The following NUDT3 variants were observed in gnomAD, a reference collection of about 807,000 sequenced individuals.
NUDT3 encodes the protein nudix hydrolase 3.
In NUDT3, 9 loss-of-function variants were observed where a neutral mutation model predicts 23.6. That is an observed-to-expected ratio of 0.38 (90% CI 0.23 to 0.66). NUDT3 has a LOEUF of 0.66. Among genes scored for constraint, NUDT3 ranks in the 30% least tolerant of loss-of-function variants. NUDT3 has a pLI of 0.52. For synonymous variants in NUDT3, 86 were observed against 82.6 expected (o/e 1.04, Z -0.22); for missense variants, 172 against 218.5 (o/e 0.79, Z 1.34).
At chr6:34,300,637 G>T (rs1763584811) in intron 2 of NUDT3, among the ~76,000 whole-genome samples, 1 of 152,184 alleles carries the variant, frequency 6.6e-6, no homozygotes, top group Non-Finnish European at 1.5e-5. Flanking sequence ...GATCATAAGG[G>T]GAAGGCCAAA....
chr6:34,347,254 T>C (rs1397078616), intron 1 of NUDT3, among the ~76,000 whole-genome samples: 2 of 152,244 alleles, frequency 1.3e-5, no homozygotes, highest in Non-Finnish European at 2.9e-5. Flanking sequence ...AAAAATTACC[T>C]ACTCAACAAA....
At chr6:34,317,768 A>C (rs1461206605) in intron 2 of NUDT3, among the ~76,000 whole-genome samples, 1 of 152,236 alleles carries the variant, frequency 6.6e-6, no homozygotes, top group Non-Finnish European at 1.5e-5. Context: ...CATAAGTCAC[A>C]TAAATATATA....
intron 2 of NUDT3, among the ~76,000 whole-genome samples, chr6:34,314,751 A>G (rs1425269460): frequency 6.6e-6 from 1 of 152,160 alleles, no homozygotes; most frequent in Non-Finnish European, 1.5e-5. Flanking sequence ...GGTTCAGGTC[A>G]TAAGTCACTG....
intron 1 of NUDT3, among the ~76,000 whole-genome samples, chr6:34,371,247 G>A (rs1764822939): frequency 6.6e-6 from 1 of 152,144 alleles, no homozygotes; most frequent in South Asian, 2.1e-4. Context: ...GAGGCAGGCA[G>A]ATCAAGAGGT....
chr6:34,293,355 C>G (rs763411810), intron 4 of NUDT3, 96 bp downstream of exon 4: 320 of 1,440,780 alleles, frequency 2.2e-4, no homozygotes, highest in Non-Finnish European at 3.0e-4. Context: ...AGCCACTGAG[C>G]CTGGTACGCT....
chr6:34,297,753 ATATATAATT>A (rs1447634345), intron 2 of NUDT3, among the ~76,000 whole-genome samples: 5 of 98,210 alleles, frequency 5.1e-5, no homozygotes, highest in African/African-American at 9.7e-5. Context: ...ATATATATAT[ATATATAATT>A]TTTTTTTTTT....
rs1216667047 is a variant in NUDT3, at chr6:34,288,722, A to C, written c.*31T>G. Reference sequence around the variant, plus strand: ...AGATTTGCACTTCAGTCTAGTTTCCAATTTCCATTTCTCTTACAGGAAGTC... The same window carrying C: ...AGATTTGCACTTCAGTCTAGTTTCCCATTTCCATTTCTCTTACAGGAAGTC... On this transcript the variant is annotated 3_prime_UTR_variant, in exon 5 of 5. Transcript: ENST00000607016. 4 of 1,593,006 alleles carry C rather than the reference A, an allele frequency of 2.5e-6. No homozygotes were observed. In the Admixed American group the frequency reaches 5.4e-5, roughly 22 times the overall value.
chr6:34,345,740 C>T (rs928651068), intron 1 of NUDT3, among the ~76,000 whole-genome samples: 2 of 150,848 alleles, frequency 1.3e-5, no homozygotes, highest in African/African-American at 2.4e-5. Context: ...AATGGAGTAA[C>T]CTTCCAGAAG....
intron 1 of NUDT3, among the ~76,000 whole-genome samples, chr6:34,353,273 T>C (rs56330729): frequency 0.095 from 14,477 of 152,194 alleles, 796 homozygotes; most frequent in Non-Finnish European, 0.12. Flanking sequence ...TTTTTTTAAA[T>C]AACCACAGGG....
In NUDT3 at chr6:34,282,714, A is replaced by C. The variant is rs1763292330; in HGVS notation, c.*6039T>G. 6.6e-6 allele frequency: 1 copy of C among 152,174 alleles called. No individual in the cohort carries two copies. The highest frequency in any genetic ancestry group is 2.4e-5 in the African/African-American group (1 of 41,442). 9.4% of individuals were successfully genotyped at this position (152,174 alleles called of 1,614,324 possible). ...GGTGGAAGGATGGGTAGCACATCAA[A>C]ATGGTGATGAACCTGGCAAAACGAC... is the stretch of plus-strand genomic sequence containing the variant. On this transcript the variant is annotated 3_prime_UTR_variant, in exon 5 of 5. Transcript: ENST00000607016.
At chr6:34,366,936 A>T (rs1163361756) in intron 1 of NUDT3, among the ~76,000 whole-genome samples, 1 of 151,776 alleles carries the variant, frequency 6.6e-6, no homozygotes, top group Non-Finnish European at 1.5e-5. Context: ...TCTGTCGCCT[A>T]GGCTGGAGTC....
chr6:34,389,066 G>A (rs1357753877), intron 1 of NUDT3, among the ~76,000 whole-genome samples: 3 of 152,166 alleles, frequency 2.0e-5, no homozygotes, highest in African/African-American at 7.2e-5. Flanking sequence ...CCAGGAGTTT[G>A]ACAATAGCCT....
intron 1 of NUDT3, among the ~76,000 whole-genome samples, chr6:34,345,715 C>T (rs1288073459): frequency 1.3e-5 from 2 of 151,108 alleles, no homozygotes; most frequent in Non-Finnish European, 1.5e-5. Context: ...TTTTTTCCCC[C>T]AGAGTCTACA....
At chr6:34,385,392 A>G (rs1274749078) in intron 1 of NUDT3, among the ~76,000 whole-genome samples, 1 of 152,188 alleles carries the variant, frequency 6.6e-6, no homozygotes, top group African/African-American at 2.4e-5. Context: ...GTTCGAGACC[A>G]TATTACATAT....
At chr6:34,339,539 T>G (rs1764258040) in intron 2 of NUDT3, among the ~76,000 whole-genome samples, 1 of 152,208 alleles carries the variant, frequency 6.6e-6, no homozygotes, top group East Asian at 1.9e-4. Flanking sequence ...TCTAACAAGC[T>G]CCTGGCTGAT....
At chr6:34,294,278 A>G (rs958314484) in intron 3 of NUDT3, among the ~76,000 whole-genome samples, 6 of 151,196 alleles carry the variant, frequency 4.0e-5, no homozygotes, top group African/African-American at 1.5e-4. Flanking sequence ...GAGCCACCAC[A>G]CCCAGCCAAT....
chr6:34,346,412 G>C (rs1345880095), intron 1 of NUDT3, among the ~76,000 whole-genome samples: 5 of 152,104 alleles, frequency 3.3e-5, no homozygotes, highest in Non-Finnish European at 7.4e-5. Context: ...TTGCTTCAAA[G>C]GCTGACTAAG....
chr6:34,391,666 A>G (rs1377729599), intron 1 of NUDT3, among the ~76,000 whole-genome samples: 1 of 152,126 alleles, frequency 6.6e-6, no homozygotes, highest in African/African-American at 2.4e-5. Flanking sequence ...CTCAGACTAC[A>G]CCATAAAGGC....
At chr6:34,324,568 C>G (rs1241169237) in intron 2 of NUDT3, among the ~76,000 whole-genome samples, 1 of 152,200 alleles carries the variant, frequency 6.6e-6, no homozygotes, top group African/African-American at 2.4e-5. Flanking sequence ...CTGCACCCAG[C>G]ATGTCTCCAT....
Sources: gnomAD v4.1 joint callset for allele counts (sites outside exome capture counted in the v4.1 genomes callset) on GRCh38, gnomAD v4.1.1 for gene constraint, MANE v1.5 for transcripts, NCBI Gene and HGNC (gene_info 2026-07-23, HGNC 2026-07-21) for gene names.